NOL10: variants seen among roughly 807,000 people sequenced by gnomAD.
NOL10 encodes nucleolar protein 10, also known as H_NH0074G24.1.
Under a neutral mutation model 103.5 loss-of-function variants are expected in NOL10, and 58 were observed. The ratio of observed to expected loss-of-function variants is 0.56; its 90% confidence interval spans 0.45 to 0.70. NOL10 has a LOEUF of 0.70. NOL10 is among the 30% of genes least tolerant of loss of function. NOL10 has a pLI of 0.00. For missense variants in NOL10, 763 were observed against 807.3 expected, an observed-to-expected ratio of 0.95 and a Z score of 0.67; for synonymous variants, 287 against 282.5, an observed-to-expected ratio of 1.02 and a Z score of -0.16.
chr2:10,575,051 C>T lies in NOL10; in HGVS notation c.1947+2585G>A, dbSNP rs563975062. ...GATCTATGGGCCATTAGCGCTTCTC[C>T]TGGGTGCTTCTGCCTCCTCTTCCCG... is the stretch of plus-strand genomic sequence containing the variant. On this transcript the variant is annotated intron_variant, in intron 20 of 20. Transcript: ENST00000381685. Among the ~76,000 whole-genome samples, 32 of 152,368 alleles carry T rather than the reference C, an allele frequency of 2.1e-4. No individual in the cohort carries two copies. In the Middle Eastern group the frequency reaches 0.014, roughly 65 times the overall value.
Position 10,577,714 on chromosome 2 carries a change from T to G in NOL10, c.1869A>C (p.Lys623Asn). ...TCAATGTCCCATTTTTTGCTTCAAT[T>G]TTCAAACGATCTTCAAGGGTTTTGC... ...LMNKTLEDRL[K>N]IEAKNGTLSV... The change falls in exon 20 of 21, where the codon AAA (lysine) becomes AAC (asparagine). Residue 623 changes from lysine (K) to asparagine (N), a missense_variant. Physicochemically the swap from Lys to Asn is moderately conservative, Grantham distance 94 (BLOSUM62 0). Coordinates refer to ENST00000381685, the MANE Select transcript of NOL10 (RefSeq NM_024894.4). 1 of 1,611,114 alleles carries G rather than the reference T, an allele frequency of 6.2e-7. No homozygotes were observed. The highest frequency in any genetic ancestry group is 8.5e-7 in the Non-Finnish European group (1 of 1,178,290).
intron 11 of NOL10, among the ~76,000 whole-genome samples, chr2:10,656,602 C>T (rs948059966): frequency 2.6e-5 from 4 of 152,140 alleles, no homozygotes; most frequent in Admixed American, 2.0e-4. Context: ...AAGTAACAGC[C>T]CAGAAAGCCA....
At position 10,689,832 on chromosome 2, in the gene NOL10, C is replaced by A; in HGVS notation, c.30G>T (p.Lys10Asn). The change falls in exon 1 of 21, where the codon AAG becomes AAT. Residue 10 changes from lysine (K) to asparagine (N), a missense_variant. Physicochemically the swap from Lys to Asn is moderately conservative, Grantham distance 94 (BLOSUM62 0). Transcript: ENST00000381685. ...ACTTGCCGCAGCTGAGGCTGTAAAT[C>A]TTCACCTCATTGAGGCTGGAGACCT... MQVSSLNEV[K>N]IYSLSCGKSL... 1.2e-6 allele frequency: 2 copies of A among 1,608,104 alleles called. No individual in the cohort carries two copies. The highest frequency in any genetic ancestry group is 1.7e-6 in the Non-Finnish European group (2 of 1,177,416).
chr2:10,669,511 TATACAC>T lies in NOL10; in HGVS notation c.465-794_465-789del, dbSNP rs1391473130. Among the ~76,000 whole-genome samples, 471 of 95,136 alleles carry T rather than the reference TATACAC, an allele frequency of 5.0e-3. 2 individuals are homozygous for T. The highest frequency in any genetic ancestry group is 0.027 in the East Asian group (122 of 4,556). 62.4% of individuals were successfully genotyped at this position (95,136 alleles called of 152,430 possible). A position where few individuals can be genotyped will look rare whatever the true frequency, so the allele number is the denominator to read the frequency against. On this transcript the variant is annotated intron_variant, in intron 6 of 20. Coordinates refer to ENST00000381685, the MANE Select transcript of NOL10 (RefSeq NM_024894.4). ...ACACACACACATACACACACACATA[TATACAC>T]ACACACACACACACACACACACACA... is the stretch of plus-strand genomic sequence containing the variant.
intron 20 of NOL10, among the ~76,000 whole-genome samples, chr2:10,574,367 GC>G (rs1674340813): frequency 6.6e-6 from 1 of 152,100 alleles, no homozygotes; most frequent in Non-Finnish European, 1.5e-5. Flanking sequence ...GTTTCTTCAG[GC>G]CAGATGTGGT....
At chr2:10,585,149 C>T (rs1477168996) in intron 19 of NOL10, among the ~76,000 whole-genome samples, 1 of 152,210 alleles carries the variant, frequency 6.6e-6, no homozygotes, top group Non-Finnish European at 1.5e-5. Context: ...GCAAGTATTT[C>T]TCAAGTGCCC....
At chr2:10,642,992 G>A (rs140378482) in intron 13 of NOL10, among the ~76,000 whole-genome samples, 15 of 152,270 alleles carry the variant, frequency 9.9e-5, no homozygotes, top group Non-Finnish European at 1.8e-4. Context: ...ATACAGCATC[G>A]TTCCCAACAC....
At chr2:10,572,448 A>G (rs893937982) in intron 20 of NOL10, among the ~76,000 whole-genome samples, 2 of 151,676 alleles carry the variant, frequency 1.3e-5, no homozygotes, top group African/African-American at 2.4e-5. Context: ...AGGCAAGAGA[A>G]GGGCCCTGAC....
intron 13 of NOL10, among the ~76,000 whole-genome samples, chr2:10,628,819 A>C (rs1677651624): frequency 6.6e-6 from 1 of 152,214 alleles, no homozygotes; most frequent in South Asian, 2.1e-4. Flanking sequence ...AGTCTTCCTC[A>C]TCTCAACTAA....
chr2:10,587,566 C>T (rs368624614), intron 19 of NOL10, among the ~76,000 whole-genome samples: 25 of 151,876 alleles, frequency 1.6e-4, no homozygotes, highest in Admixed American at 1.4e-3. Flanking sequence ...CCACCGTGCC[C>T]GGCCTAAATG....
At chr2:10,665,248 T>C (rs367838470) in intron 8 of NOL10, among the ~76,000 whole-genome samples, 3 of 152,200 alleles carry the variant, frequency 2.0e-5, no homozygotes, top group Non-Finnish European at 2.9e-5. Flanking sequence ...AAAAGAAAAG[T>C]TGCATTCCAA....
In NOL10 at chr2:10,631,315, C is replaced by G. The variant is rs141451673; in HGVS notation, c.1026+13005G>C. On this transcript the variant is annotated intron_variant, in intron 13 of 20. Coordinates refer to ENST00000381685, the MANE Select transcript of NOL10 (RefSeq NM_024894.4). ...CTTAGGGAATGACGTGTACAGCACT[C>G]CCAGCAACTCCAGTTAAAAGCATGG... 2.7e-3 allele frequency among the ~76,000 whole-genome samples: 415 copies of G among 152,286 alleles called. 2 individuals are homozygous for G. The highest frequency in any genetic ancestry group is 3.3e-3 in the Non-Finnish European group (226 of 68,010).
intron 4 of NOL10, among the ~76,000 whole-genome samples, chr2:10,673,789 G>A (rs894385974): frequency 2.0e-5 from 3 of 152,054 alleles, no homozygotes; most frequent in Non-Finnish European, 4.4e-5. Flanking sequence ...TTGTAGAACT[G>A]AATGCAAATT....
intron 13 of NOL10, among the ~76,000 whole-genome samples, chr2:10,624,827 T>C (rs1201506256): frequency 6.6e-6 from 1 of 152,098 alleles, no homozygotes; most frequent in African/African-American, 2.4e-5. Context: ...CACGAGAATG[T>C]TTAGAGCGGC....
chr2:10,672,840 A>G (rs1279597666), intron 5 of NOL10, among the ~76,000 whole-genome samples: 1 of 152,108 alleles, frequency 6.6e-6, no homozygotes, highest in South Asian at 2.1e-4. Flanking sequence ...TAAAAACACA[A>G]AAATTAGCCA....
intron 11 of NOL10, among the ~76,000 whole-genome samples, chr2:10,655,808 A>G (rs867843905): frequency 3.3e-5 from 5 of 152,252 alleles, no homozygotes; most frequent in Admixed American, 6.5e-5. Context: ...AGGATGGACT[A>G]AGTGCCCACG....
chr2:10,588,348 T>C (rs568190980), intron 19 of NOL10, among the ~76,000 whole-genome samples: 2 of 152,300 alleles, frequency 1.3e-5, no homozygotes, highest in African/African-American at 4.8e-5. Flanking sequence ...ATTTTCATAA[T>C]CCAACCTGAA....
At chr2:10,674,015 AG>A (rs1236895747) in intron 4 of NOL10, among the ~76,000 whole-genome samples, 1 of 151,856 alleles carries the variant, frequency 6.6e-6, no homozygotes, top group Non-Finnish European at 1.5e-5. Flanking sequence ...CAATAAACAA[AG>A]ATATAGTAAG....
At chr2:10,637,225 A>ACC (rs1278493468) in intron 13 of NOL10, among the ~76,000 whole-genome samples, 42 of 143,720 alleles carry the variant, frequency 2.9e-4, no homozygotes, top group East Asian at 6.1e-4. Flanking sequence ...ACACACACAC[A>ACC]CTAAAACCAA....
Sources: allele counts gnomAD v4.1 joint callset (sites outside exome capture counted in the v4.1 genomes callset), GRCh38; gene constraint gnomAD v4.1.1; transcripts MANE v1.5; gene names NCBI Gene and HGNC (gene_info 2026-07-23, HGNC 2026-07-21).